DLAT: variants seen among roughly 807,000 people sequenced by gnomAD.
DLAT encodes dihydrolipoyllysine-residue acetyltransferase component of pyruvate dehydrogenase complex, mitochondrial.
Under a neutral mutation model 68.0 loss-of-function variants are expected in DLAT, and 43 were observed. That is an observed-to-expected ratio of 0.63 (90% CI 0.50 to 0.81). The LOEUF is 0.81. Ranked by LOEUF, DLAT falls within the 40% of genes least tolerant of loss-of-function variation. DLAT has a pLI of 0.00. For synonymous variants in DLAT, 265 were observed against 288.6 expected (o/e 0.92, Z 0.83); for missense variants, 745 against 815.4 (o/e 0.91, Z 1.05).
chr11:112,038,202 TTTG>T (rs150380689), intron 6 of DLAT, among the ~76,000 whole-genome samples: 3,768 of 151,980 alleles, frequency 0.025, 164 homozygotes, highest in African/African-American at 0.086. Flanking sequence ...TTGGATTTCT[TTTG>T]TTGTTGTTGT....
Position 112,037,848 on chromosome 11 carries a change from G to T in DLAT, c.975+388G>T. 1.3e-5 allele frequency among the ~76,000 whole-genome samples: 2 copies of T among 150,218 alleles called. 1 individual carries two copies. The highest frequency in any genetic ancestry group is 6.4e-3 in the Middle Eastern group (2 of 314). On this transcript the variant is annotated intron_variant, in intron 6 of 13. Coordinates refer to ENST00000280346, the MANE Select transcript of DLAT (RefSeq NM_001931.5). ...GCTGGAGTGCAGTGGTGCAATCATAGCTCACTTCATTGCCCATTTATTATT... is the reference window on the plus strand; with the variant it reads ...GCTGGAGTGCAGTGGTGCAATCATATCTCACTTCATTGCCCATTTATTATT...
chr11:112,054,332 T>C (rs1566633613), intron 11 of DLAT, among the ~76,000 whole-genome samples: 2 of 151,108 alleles, frequency 1.3e-5, no homozygotes. Context: ...ATAATAATAA[T>C]AATAAATAAA....
intron 2 of DLAT, among the ~76,000 whole-genome samples, chr11:112,027,769 G>T (rs1182489811): frequency 7.1e-6 from 1 of 141,240 alleles, no homozygotes; most frequent in South Asian, 2.3e-4. Flanking sequence ...GCGTGGCGGC[G>T]CGTGCCTGCA....
At chr11:112,055,217 G>A (rs953558338) in intron 11 of DLAT, among the ~76,000 whole-genome samples, 7 of 146,848 alleles carry the variant, frequency 4.8e-5, no homozygotes, top group African/African-American at 1.0e-4. Context: ...ACAGTCTTCC[G>A]TAATTCAGTC....
intron 11 of DLAT, among the ~76,000 whole-genome samples, chr11:112,052,048 T>C (rs1230884303): frequency 4.6e-5 from 7 of 152,196 alleles, no homozygotes; most frequent in Admixed American, 4.6e-4. Flanking sequence ...AATAAATTAG[T>C]GTTAGGACTG....
chr11:112,037,964 A>G (rs587600717), intron 6 of DLAT, among the ~76,000 whole-genome samples: 96 of 152,222 alleles, frequency 6.3e-4, no homozygotes, highest in African/African-American at 2.1e-3. Context: ...GAACCTTGAC[A>G]TGACTTGTTT....
chr11:112,047,253 A>G (rs1863369315), intron 10 of DLAT, among the ~76,000 whole-genome samples: 1 of 152,170 alleles, frequency 6.6e-6, no homozygotes, highest in African/African-American at 2.4e-5. Context: ...TTGGCCACAT[A>G]AATGTCTTCT....
At chr11:112,037,201 A>T in intron 5 of DLAT, 72 bp from the exon 6 acceptor site, 1 of 1,437,740 alleles carries the variant, frequency 7.0e-7, no homozygotes, top group Non-Finnish European at 9.7e-7. Context: ...CACTTTACTT[A>T]AAACTGTGCT....
intron 11 of DLAT, among the ~76,000 whole-genome samples, chr11:112,055,838 C>T (rs1864001232): frequency 8.7e-6 from 1 of 114,982 alleles, no homozygotes; most frequent in African/African-American, 3.3e-5. Context: ...TCTGTGCCAG[C>T]ATATAGACAC....
chr11:112,053,328 A>G (rs1863775356), intron 11 of DLAT, among the ~76,000 whole-genome samples: 1 of 152,156 alleles, frequency 6.6e-6, no homozygotes, highest in African/African-American at 2.4e-5. Context: ...GTCTCAAAAA[A>G]ATATTTTCCT....
At chr11:112,029,513 G>A (rs1418142401) in intron 4 of DLAT, among the ~76,000 whole-genome samples, 1 of 152,006 alleles carries the variant, frequency 6.6e-6, no homozygotes, top group African/African-American at 2.4e-5. Context: ...GGGTAACCAG[G>A]CTCTTTATAG....
chr11:112,060,964 T>G, intron 12 of DLAT, 74 bp from the exon 13 acceptor site: 1 of 1,399,410 alleles, frequency 7.1e-7, no homozygotes, highest in Non-Finnish European at 9.8e-7. Context: ...TTAAGGTCTT[T>G]TCACAGAACA....
chr11:112,037,379 AGAT>A lies in DLAT; in HGVS notation c.895_897del (p.Asp299del). The stretch of plus-strand genomic sequence containing the variant: ...TCTGTATCATTGTAGAAAAAGAGGC[AGAT>A]ATATCAGCATTTGCTGACTATAGGC... On this transcript the variant is annotated inframe_deletion, in exon 6 of 14. Transcript: ENST00000280346. The A allele has an allele frequency of 6.2e-7, 1 of 1,614,220 alleles. No homozygotes were observed. Among genetic ancestry groups the A allele is most frequent in the Non-Finnish European group, 8.5e-7 (1 of 1,180,024 alleles).
intron 5 of DLAT, among the ~76,000 whole-genome samples, chr11:112,035,397 A>AG (rs782044522): frequency 7.9e-5 from 12 of 152,292 alleles, no homozygotes; most frequent in Admixed American, 1.3e-4. Context: ...CTTGAATACC[A>AG]GTGTCACTAT....
intron 2 of DLAT, among the ~76,000 whole-genome samples, chr11:112,027,516 GC>G (rs1282198841): frequency 2.0e-5 from 3 of 151,988 alleles, no homozygotes; most frequent in African/African-American, 7.2e-5. Flanking sequence ...GGCAGAGGCT[GC>G]AATCTCGGCA....
chr11:112,036,522 T>A (rs1555180537), intron 5 of DLAT: 1 of 152,240 alleles, frequency 6.6e-6, no homozygotes, highest in Non-Finnish European at 1.5e-5. Context: ...CTAAACATAT[T>A]TTTTATTGGG....
At chr11:112,037,498 G>A (rs1862836877) in intron 6 of DLAT, 38 bp downstream of exon 6, 3 of 1,598,592 alleles carry the variant, frequency 1.9e-6, no homozygotes, top group Non-Finnish European at 2.6e-6. Context: ...CACTTACCTT[G>A]TTCATCTCTA....
intron 4 of DLAT, chr11:112,029,807 G>T (rs950203185): frequency 5.5e-6 from 3 of 546,718 alleles, no homozygotes; most frequent in Non-Finnish European, 1.1e-5. Context: ...CACCAAGAAG[G>T]GAAGGCCTAA....
At chr11:112,059,736 G>A (rs1864428293) in intron 11 of DLAT, among the ~76,000 whole-genome samples, 167 bp from the exon 12 acceptor site, 1 of 152,146 alleles carries the variant, frequency 6.6e-6, no homozygotes, top group African/African-American at 2.4e-5. Context: ...AGAGGGCACA[G>A]CAAAATGTAA....
Sources: allele counts gnomAD v4.1 joint callset (sites outside exome capture counted in the v4.1 genomes callset), GRCh38; gene constraint gnomAD v4.1.1; transcripts MANE v1.5; gene names NCBI Gene and HGNC (gene_info 2026-07-23, HGNC 2026-07-21).